Variants in GMEB1 observed in about 807,000 individuals in gnomAD.
GMEB1 encodes the protein glucocorticoid modulatory element binding protein 1.
In GMEB1, 6 loss-of-function variants were observed where a neutral mutation model predicts 52.4. That is an observed-to-expected ratio of 0.11 (90% CI 0.06 to 0.23). GMEB1 has a LOEUF of 0.23. Ranked by LOEUF, GMEB1 falls within the 10% of genes least tolerant of loss-of-function variation. GMEB1 has a pLI of 1.00. For missense variants in GMEB1, 486 were observed against 685.6 expected, an observed-to-expected ratio of 0.71 and a Z score of 3.25; for synonymous variants, 255 against 244.9, an observed-to-expected ratio of 1.04 and a Z score of -0.38.
intron 1 of GMEB1, among the ~76,000 whole-genome samples, chr1:28,674,864 G>A (rs1053993202): frequency 7.1e-6 from 1 of 141,654 alleles, no homozygotes; most frequent in Non-Finnish European, 1.5e-5. Context: ...GACTACAGGC[G>A]CCCGCCACTA....
Position 28,710,640 on chromosome 1 carries a change from C to A in GMEB1, c.989C>A (p.Thr330Lys). ...QGEEQFLYTL[T>K]DLERQLEEQK... is the part of the protein sequence containing the mutation. The stretch of plus-strand genomic sequence containing the variant: ...GAAGAACAGTTTCTCTATACTCTGA[C>A]AGGTATGTATAAGTTATCGCTCTTC... Residue 330 changes from threonine (T) to lysine (K), a missense_variant and splice_region_variant, in exon 9 of 10, where the codon ACA becomes AAA. Physicochemically the swap from Thr to Lys is moderately conservative, Grantham distance 78. Coordinates refer to ENST00000373816, the MANE Select transcript of GMEB1 (RefSeq NM_001319674.2). The A allele has an allele frequency of 6.3e-7, 1 of 1,585,158 alleles. No individual in the cohort carries two copies. Among genetic ancestry groups the A allele is most frequent in the Non-Finnish European group, 8.6e-7 (1 of 1,165,748 alleles).
chr1:28,677,525 G>A (rs1480247790), intron 1 of GMEB1, among the ~76,000 whole-genome samples: 1 of 152,134 alleles, frequency 6.6e-6, no homozygotes, highest in African/African-American at 2.4e-5. Flanking sequence ...AAAATTTAAA[G>A]CACATTTTTG....
intron 1 of GMEB1, among the ~76,000 whole-genome samples, chr1:28,678,234 A>G (rs12746205): frequency 0.37 from 56,082 of 151,698 alleles, 12,274 homozygotes; most frequent in East Asian, 0.76. Context: ...AGCTCCCCTT[A>G]CAGAGACAGA....
chr1:28,683,195 C>T (rs1273859722), intron 1 of GMEB1, among the ~76,000 whole-genome samples: 1 of 151,826 alleles, frequency 6.6e-6, no homozygotes, highest in African/African-American at 2.4e-5. Flanking sequence ...CTTGGCAGTC[C>T]TTTCATATGG....
At chr1:28,675,632 A>G (rs1669116354) in intron 1 of GMEB1, among the ~76,000 whole-genome samples, 1 of 150,800 alleles carries the variant, frequency 6.6e-6, no homozygotes, top group South Asian at 2.1e-4. Flanking sequence ...GTGAGCGGAG[A>G]TCCCGCCACT....
At chr1:28,699,219 G>A (rs991311696) in intron 6 of GMEB1, among the ~76,000 whole-genome samples, 4 of 152,118 alleles carry the variant, frequency 2.6e-5, no homozygotes, top group Non-Finnish European at 5.9e-5. Context: ...CTTCAGTATT[G>A]TTGAGTTTGG....
intron 1 of GMEB1, among the ~76,000 whole-genome samples, chr1:28,671,763 A>T (rs1668894416): frequency 1.3e-5 from 2 of 151,658 alleles, no homozygotes. Context: ...TAAATAAATA[A>T]ATATATAAAA....
rs1671036354 is a variant in GMEB1, at chr1:28,711,031, T to C, written c.991+389T>C. Among the ~76,000 whole-genome samples, 4 of 152,268 alleles carry C rather than the reference T, an allele frequency of 2.6e-5. No individual in the cohort carries two copies. The South Asian group carries it at 8.3e-4, about 32-fold the overall frequency. On this transcript the variant is annotated intron_variant, in intron 9 of 9. Coordinates refer to ENST00000373816, the MANE Select transcript of GMEB1 (RefSeq NM_001319674.2). Reference sequence around the variant, plus strand: ...ATTTGTGGTAATCAGAAATTTTGTGTAATCCCAGCACTTTGGGAGACTGAG... The same window carrying C: ...ATTTGTGGTAATCAGAAATTTTGTGCAATCCCAGCACTTTGGGAGACTGAG...
Position 28,714,985 on chromosome 1 carries a change from C to G in GMEB1, c.*212C>G. 1.8e-6 allele frequency: 1 copy of G among 549,012 alleles called. No homozygotes were observed. Among genetic ancestry groups the G allele is most frequent in the Non-Finnish European group, 3.2e-6 (1 of 308,434 alleles). The allele number at this position is 549,012 out of a possible 1,614,324, so 34.0% of individuals were successfully genotyped here. A position where few individuals can be genotyped will look rare whatever the true frequency, so the allele number is the denominator to read the frequency against. On this transcript the variant is annotated 3_prime_UTR_variant, in exon 10 of 10. Transcript: ENST00000373816. ...GCCCTTCCAGAAGTTGAGAGTAGGT[C>G]ATTCAATGTCCTAATCATCTTACAC...
intron 2 of GMEB1, among the ~76,000 whole-genome samples, chr1:28,686,035 A>G (rs548879644): frequency 5.3e-5 from 8 of 152,272 alleles, no homozygotes; most frequent in Non-Finnish European, 8.8e-5. Context: ...GTTAAGTGCA[A>G]TTTACTGGTT....
In GMEB1 at chr1:28,691,685, A is replaced by G. The variant is rs1311103397; in HGVS notation, c.312A>G (p.Pro104=). 2 of 1,572,216 alleles carry G rather than the reference A, an allele frequency of 1.3e-6. No individual in the cohort carries two copies. Among genetic ancestry groups the G allele is most frequent in the Non-Finnish European group, 1.7e-6 (2 of 1,152,756 alleles). Reference sequence around the variant, plus strand: ...TCCTCTGGAAGAAGTTTGTATGTCCAGGAATAAACGTGAAGTGTGTCAAGG... The same window carrying G: ...TCCTCTGGAAGAAGTTTGTATGTCCGGGAATAAACGTGAAGTGTGTCAAGG... ...AILLWKKFVC[P]GINVKCVKFN... Residue 104 remains proline (P), a synonymous_variant, in exon 4 of 10, where the codon CCA becomes CCG. Coordinates refer to ENST00000373816, the MANE Select transcript of GMEB1 (RefSeq NM_001319674.2).
chr1:28,702,613 C>T, intron 7 of GMEB1, 44 bp downstream of exon 7: 1 of 1,575,396 alleles, frequency 6.3e-7, no homozygotes, highest in Non-Finnish European at 8.7e-7. Flanking sequence ...GTCTTGTGAG[C>T]CTTATCACCA....
At chr1:28,698,768 G>C (rs888101944) in intron 6 of GMEB1, among the ~76,000 whole-genome samples, 3 of 151,952 alleles carry the variant, frequency 2.0e-5, no homozygotes, top group African/African-American at 7.2e-5. Flanking sequence ...AGGATCACCT[G>C]AGGTCAGGAG....
rs1183316968 is a variant in GMEB1 at position 28,692,946 on chromosome 1, A to G, written c.341A>G (p.Asn114Ser). The change falls in exon 5 of 10, where the codon AAT becomes AGT. Residue 114 changes from asparagine to serine, a missense_variant. Transcript: ENST00000373816. ...PGINVKCVKF[N>S]DQLISPKHFV... ...GACTTTTCTTTTTACTTTTAGTTCAATGATCAGTTGATCAGCCCCAAGCAC... is the reference window on the plus strand; with the variant it reads ...GACTTTTCTTTTTACTTTTAGTTCAGTGATCAGTTGATCAGCCCCAAGCAC... The G allele has an allele frequency of 1.4e-5, 22 of 1,582,360 alleles. No individual in the cohort carries two copies. The highest frequency in any genetic ancestry group is 2.7e-5 in the African/African-American group (2 of 73,726).
At chr1:28,708,283 G>T (rs1670873919) in intron 8 of GMEB1, among the ~76,000 whole-genome samples, 1 of 151,938 alleles carries the variant, frequency 6.6e-6, no homozygotes, top group Non-Finnish European at 1.5e-5. Context: ...TCCTGCCTCA[G>T]CCTCCCGAGT....
rs1203712784 is a variant in GMEB1, at chr1:28,719,158, C to G, written c.*4385C>G. The G allele has an allele frequency of 6.6e-6, 1 of 152,232 alleles. No individual in the cohort carries two copies. Among genetic ancestry groups the G allele is most frequent in the Non-Finnish European group, 1.5e-5 (1 of 68,086 alleles). 9.4% of individuals were successfully genotyped at this position (152,232 alleles called of 1,614,324 possible). A position where few individuals can be genotyped will look rare whatever the true frequency, so the allele number is the denominator to read the frequency against. ...TCTAGCTGGCAAAGGGTAAATGCCC[C>G]CAAAGCCTTCCTGCCATATGGTTTC... is the stretch of plus-strand genomic sequence containing the variant. On this transcript the variant is annotated 3_prime_UTR_variant, in exon 10 of 10. Coordinates refer to ENST00000373816, the MANE Select transcript of GMEB1 (RefSeq NM_001319674.2).
chr1:28,677,922 G>T (rs556277938), intron 1 of GMEB1, among the ~76,000 whole-genome samples: 1 of 152,012 alleles, frequency 6.6e-6, no homozygotes, highest in South Asian at 2.1e-4. Context: ...GGTGGCTCAC[G>T]CTTGTAATCC....
At position 28,683,645 on chromosome 1, in the gene GMEB1, G is replaced by T. The variant is rs1290101543; in HGVS notation, c.33G>T (p.Gly11=). The change falls in exon 2 of 10, where the codon GGG becomes GGT. Residue 11 remains glycine (G), a synonymous_variant. Coordinates refer to ENST00000373816, the MANE Select transcript of GMEB1 (RefSeq NM_001319674.2). The stretch of plus-strand genomic sequence containing the variant: ...ATGCAGAAGTGAGTGTCCCAGTGGG[G>T]GATGTGGTTGTGGTACCTACTGAAG... MANAEVSVPV[G]DVVVVPTEGN... is the part of the protein sequence containing the mutation. 1.2e-6 allele frequency: 2 copies of T among 1,610,630 alleles called. No homozygotes were observed. The highest frequency in any genetic ancestry group is 8.5e-7 in the Non-Finnish European group (1 of 1,178,558).
chr1:28,673,307 G>C (rs1043146903), intron 1 of GMEB1, among the ~76,000 whole-genome samples: 19 of 151,936 alleles, frequency 1.3e-4, no homozygotes, highest in African/African-American at 4.6e-4. Context: ...CTGGAGTGCA[G>C]TGGCTGTGGC....
Sources: gnomAD v4.1 joint callset for allele counts (sites outside exome capture counted in the v4.1 genomes callset) on GRCh38, gnomAD v4.1.1 for gene constraint, MANE v1.5 for transcripts, NCBI Gene and HGNC (gene_info 2026-07-23, HGNC 2026-07-21) for gene names.